The following NUP214 variants were observed in gnomAD, a reference collection of about 807,000 sequenced individuals.
The protein encoded by NUP214 is nucleoporin 214.
NUP214 carries 79 observed loss-of-function variants against 196.2 expected under a neutral mutation model. The observed-to-expected ratio is 0.40, with a 90% CI of 0.34 to 0.49. NUP214 has a LOEUF of 0.49. Ranked by LOEUF, NUP214 falls within the 20% of genes least tolerant of loss-of-function variation. The probability of loss-of-function intolerance (pLI) is 0.58; values close to 1 mark genes in which losing one functional copy is unlikely to be tolerated. For missense variants in NUP214, 2,468 were observed against 2,539.0 expected, an observed-to-expected ratio of 0.97 and a Z score of 0.60; for synonymous variants, 1,020 against 990.5, an observed-to-expected ratio of 1.03 and a Z score of -0.56.
chr9:131,197,068 C>T, intron 28 of NUP214, 148 bp from the exon 29 acceptor site: 1 of 1,068,484 alleles, frequency 9.4e-7, no homozygotes, highest in Non-Finnish European at 1.3e-6. Context: ...CTCATTCCAC[C>T]TCCTTAGAGA....
chr9:131,171,808 G>GT (rs1435019680), intron 21 of NUP214, among the ~76,000 whole-genome samples: 6 of 151,908 alleles, frequency 3.9e-5, no homozygotes, highest in Non-Finnish European at 8.8e-5. Context: ...GCGGTGTTTG[G>GT]TTTTTTGTCC....
intron 24 of NUP214, among the ~76,000 whole-genome samples, chr9:131,180,684 G>A (rs1201323803): frequency 1.3e-5 from 2 of 152,122 alleles, no homozygotes; most frequent in African/African-American, 4.8e-5. Context: ...GTGCTCCATC[G>A]CTTGATTCAG....
intron 21 of NUP214, among the ~76,000 whole-genome samples, chr9:131,173,485 A>G (rs889421432): frequency 3.4e-5 from 5 of 147,218 alleles, no homozygotes; most frequent in African/African-American, 1.0e-4. Context: ...TCCTGCCTCA[A>G]TCTCCCAAAG....
At chr9:131,153,515 TC>T (rs1057028228) in intron 17 of NUP214, among the ~76,000 whole-genome samples, 1 of 152,186 alleles carries the variant, frequency 6.6e-6, no homozygotes, top group African/African-American at 2.4e-5. Flanking sequence ...ATTACAGGCA[TC>T]CGCTCTGCAT....
At position 131,196,035 on chromosome 9, in the gene NUP214, CCCCCG is replaced by C. The variant is rs1284949613; in HGVS notation, c.3721+743_3721+747del. On this transcript the variant is annotated intron_variant, in intron 28 of 35. Transcript: ENST00000359428. ...GTGAAACTCTGTGTGTCCCCCCCCC[CCCCCG>C]CGCCAAAAAATCCATCAATAGCATG... Among the ~76,000 whole-genome samples, 217 of 36,924 alleles carry C rather than the reference CCCCCG, an allele frequency of 5.9e-3. 85 individuals carry two copies. Among genetic ancestry groups the C allele is most frequent in the Non-Finnish European group, 9.4e-3 (79 of 8,448 alleles). The allele number at this position is 36,924 out of a possible 152,430, so 24.2% of individuals were successfully genotyped here.
intron 18 of NUP214, among the ~76,000 whole-genome samples, chr9:131,161,725 G>A (rs1165576507): frequency 2.6e-5 from 4 of 152,192 alleles, no homozygotes; most frequent in South Asian, 2.1e-4. Context: ...AATATACATA[G>A]AGTCACTTGT....
intron 30 of NUP214, among the ~76,000 whole-genome samples, chr9:131,211,000 C>T (rs1472649314): frequency 1.3e-5 from 2 of 152,152 alleles, no homozygotes; most frequent in Non-Finnish European, 2.9e-5. Flanking sequence ...ATTCATGGAT[C>T]AGAAGACTCA....
At chr9:131,183,102 C>T (rs1397766204) in intron 24 of NUP214, among the ~76,000 whole-genome samples, 1 of 152,286 alleles carries the variant, frequency 6.6e-6, no homozygotes, top group South Asian at 2.1e-4. Context: ...CCACTACCCC[C>T]CAGATGGATT....
At chr9:131,166,560 AT>A (rs1377585042) in intron 21 of NUP214, among the ~76,000 whole-genome samples, 3 of 152,216 alleles carry the variant, frequency 2.0e-5, no homozygotes, top group Non-Finnish European at 2.9e-5. Context: ...ATAACTCAGC[AT>A]GTAAACACTT....
intron 18 of NUP214, among the ~76,000 whole-genome samples, chr9:131,162,297 G>A (rs1159826540): frequency 2.0e-5 from 3 of 152,170 alleles, no homozygotes; most frequent in Non-Finnish European, 4.4e-5. Context: ...AGAAAATTTG[G>A]TTTATAACTG....
chr9:131,177,310 C>G (rs1833146923), intron 23 of NUP214, among the ~76,000 whole-genome samples: 4 of 152,126 alleles, frequency 2.6e-5, no homozygotes, highest in Admixed American at 1.3e-4. Context: ...ATTCTTTGAT[C>G]TCTTTAAATA....
chr9:131,179,695 T>C (rs1175658455), intron 24 of NUP214, among the ~76,000 whole-genome samples: 1 of 152,162 alleles, frequency 6.6e-6, no homozygotes, highest in Non-Finnish European at 1.5e-5. Context: ...CGCTGGCCTC[T>C]TTTTTTCCAT....
chr9:131,159,598 C>A, intron 18 of NUP214, 112 bp downstream of exon 18: 1 of 873,096 alleles, frequency 1.1e-6, no homozygotes, highest in Non-Finnish European at 1.8e-6. Flanking sequence ...TGGCTCACGC[C>A]TGTAATCCCA....
chr9:131,151,714 C>G, intron 16 of NUP214, 22 bp from the exon 17 acceptor site: 1 of 1,585,318 alleles, frequency 6.3e-7, no homozygotes, highest in Non-Finnish European at 8.6e-7. Flanking sequence ...TTTGTACCAA[C>G]ACATTATTGT....
chr9:131,128,345 A>G lies in NUP214; in HGVS notation c.255A>G (p.Gln85=), dbSNP rs776064942. Residue 85 remains glutamine (Q), a synonymous_variant, in exon 3 of 36, where the codon CAA becomes CAG. Transcript: ENST00000359428. ...TTGTTTTCATAGTTGATAAAGTCCA[A>G]GGCTTGCTAGTTCCTATGAAATTCC... ...DDPNKIVDKV[Q]GLLVPMKFPI... 3.8e-5 allele frequency: 61 copies of G among 1,611,864 alleles called. No homozygotes were observed. Among genetic ancestry groups the G allele is most frequent in the Non-Finnish European group, 4.8e-5 (56 of 1,178,834 alleles).
intron 30 of NUP214, among the ~76,000 whole-genome samples, chr9:131,203,993 A>G (rs1013846015): frequency 2.5e-4 from 38 of 152,330 alleles, no homozygotes; most frequent in African/African-American, 8.9e-4. Flanking sequence ...GACTAGACTG[A>G]TATGGTTCCA....
chr9:131,211,811 A>G (rs1039162819), intron 30 of NUP214, among the ~76,000 whole-genome samples: 11 of 152,148 alleles, frequency 7.2e-5, no homozygotes, highest in Non-Finnish European at 1.6e-4. Context: ...TTGCCTCAGG[A>G]CCCTGTGATG....
chr9:131,154,376 C>A (rs996370119), intron 17 of NUP214, among the ~76,000 whole-genome samples: 1 of 152,076 alleles, frequency 6.6e-6, no homozygotes, highest in African/African-American at 2.4e-5. Flanking sequence ...CCCTTACCGC[C>A]CTCTCTCCTT....
rs1832567588 is a variant in NUP214 at position 131,159,612 on chromosome 9, C to G, written c.2540+126C>G. The G allele has an allele frequency of 3.9e-6, 3 of 765,290 alleles. No homozygotes were observed. In the South Asian group the frequency reaches 4.8e-5, roughly 12 times the overall value. 47.4% of individuals were successfully genotyped at this position (765,290 alleles called of 1,614,324 possible). A position where few individuals can be genotyped will look rare whatever the true frequency, so the allele number is the denominator to read the frequency against. ...GTGGCTCACGCCTGTAATCCCAGCA[C>G]TTTGGCAGGCCGAGGCGAGTGGATC... On this transcript the variant is annotated intron_variant, in intron 18 of 35. Transcript: ENST00000359428.
Sources: allele counts gnomAD v4.1 joint callset (sites outside exome capture counted in the v4.1 genomes callset), GRCh38; gene constraint gnomAD v4.1.1; transcripts MANE v1.5; gene names NCBI Gene and HGNC (gene_info 2026-07-23, HGNC 2026-07-21).